The following NLGN1 variants were observed in gnomAD, a reference collection of about 807,000 sequenced individuals.
NLGN1 encodes the protein neuroligin-1.
In NLGN1, 12 loss-of-function variants were observed where a neutral mutation model predicts 65.5. The observed-to-expected ratio is 0.18, with a 90% CI of 0.12 to 0.30. NLGN1 has a LOEUF of 0.30. Ranked by LOEUF, NLGN1 falls within the 10% of genes least tolerant of loss-of-function variation. NLGN1 has a pLI of 1.00. For synonymous variants in NLGN1, 350 were observed against 359.5 expected (o/e 0.97, Z 0.30); for missense variants, 750 against 1,007.1 (o/e 0.74, Z 3.46).
chr3:174,053,677 T>G (rs778441248), intron 4 of NLGN1, among the ~76,000 whole-genome samples: 2 of 152,014 alleles, frequency 1.3e-5, no homozygotes, highest in African/African-American at 4.8e-5. Flanking sequence ...TTCCCTGCTT[T>G]CTTTCTTACT....
At chr3:173,465,120 A>G (rs1041294768) in intron 2 of NLGN1, among the ~76,000 whole-genome samples, 2 of 152,192 alleles carry the variant, frequency 1.3e-5, no homozygotes, top group South Asian at 2.1e-4. Context: ...AAGATTTTCA[A>G]AGTTATCAGT....
rs920746002 is a variant in NLGN1 at position 173,823,436 on chromosome 3, G to C, written c.646+15604G>C. On this transcript the variant is annotated intron_variant, in intron 4 of 6. Transcript: ENST00000457714. ...GAAGTCAACATAAATTTATTACCAG[G>C]GTACTCTGAATTTTTTATTCTTTGA... Among the ~76,000 whole-genome samples the C allele has an allele frequency of 3.2e-4, 49 of 151,520 alleles. 3 individuals carry two copies.
chr3:173,547,990 C>T (rs1364017022), intron 2 of NLGN1, among the ~76,000 whole-genome samples: 5 of 151,846 alleles, frequency 3.3e-5, no homozygotes, highest in East Asian at 1.9e-4. Context: ...TAAGGTATTT[C>T]ATTCCCTCCC....
At chr3:173,777,667 A>G (rs1360137013) in intron 3 of NLGN1, among the ~76,000 whole-genome samples, 2 of 150,248 alleles carry the variant, frequency 1.3e-5, no homozygotes, top group East Asian at 1.9e-4. Context: ...CTATCTATCT[A>G]TCTATCTATC....
intron 2 of NLGN1, among the ~76,000 whole-genome samples, chr3:173,519,399 A>G (rs1415801627): frequency 1.3e-5 from 2 of 152,188 alleles, no homozygotes; most frequent in Non-Finnish European, 2.9e-5. Context: ...AGCTTGCACC[A>G]TGAACCTAGA....
intron 3 of NLGN1, 131 bp downstream of exon 3, chr3:173,605,724 T>C (rs528442201): frequency 1.7e-5 from 7 of 419,306 alleles, no homozygotes; most frequent in African/African-American, 8.3e-5. Flanking sequence ...TGATGAAGGC[T>C]GTCAAGGAAT....
intron 4 of NLGN1, among the ~76,000 whole-genome samples, chr3:174,131,864 T>C (rs1319706596): frequency 6.6e-6 from 1 of 152,208 alleles, no homozygotes; most frequent in Non-Finnish European, 1.5e-5. Context: ...TGCTCTTTCT[T>C]AAATGAGGCA....
intron 4 of NLGN1, among the ~76,000 whole-genome samples, chr3:173,897,762 C>T (rs780643306): frequency 3.9e-5 from 6 of 152,076 alleles, no homozygotes; most frequent in Non-Finnish European, 8.8e-5. Flanking sequence ...ACCAGATAAG[C>T]TTTAGGGACT....
intron 4 of NLGN1, among the ~76,000 whole-genome samples, chr3:174,116,336 T>TC (rs1194188711): frequency 7.4e-6 from 1 of 134,810 alleles, no homozygotes; most frequent in Non-Finnish European, 1.6e-5. Flanking sequence ...TTTTCTTTTT[T>TC]TTTTTTTTTT....
chr3:173,843,789 A>G (rs983248263), intron 4 of NLGN1, among the ~76,000 whole-genome samples: 1 of 152,114 alleles, frequency 6.6e-6, no homozygotes, highest in African/African-American at 2.4e-5. Context: ...TCTTCTTCTG[A>G]GCTCTCCAAA....
At chr3:174,051,238 G>C (rs962553738) in intron 4 of NLGN1, among the ~76,000 whole-genome samples, 2 of 151,918 alleles carry the variant, frequency 1.3e-5, no homozygotes, top group African/African-American at 4.8e-5. Flanking sequence ...CAATTCCAGG[G>C]TGCCACCCAC....
intron 4 of NLGN1, among the ~76,000 whole-genome samples, chr3:174,032,058 C>T (rs547004425): frequency 8.6e-5 from 13 of 152,044 alleles, no homozygotes; most frequent in African/African-American, 3.1e-4. Flanking sequence ...CCAAAGAAGA[C>T]TCCTATAACC....
chr3:173,716,986 G>A (rs1051359050), intron 3 of NLGN1, among the ~76,000 whole-genome samples: 6 of 152,126 alleles, frequency 3.9e-5, no homozygotes, highest in African/African-American at 1.4e-4. Flanking sequence ...TTCATTTCTA[G>A]CATTTGATTT....
rs79369480 is a variant in NLGN1, at chr3:174,074,708, A to C, written c.647-200607A>C. Among the ~76,000 whole-genome samples the C allele has an allele frequency of 3.5e-3, 529 of 152,332 alleles. 2 individuals are homozygous for C. The highest frequency in any genetic ancestry group is 0.011 in the African/African-American group (465 of 41,580). Reference sequence around the variant, plus strand: ...ATTGATATAAGTTTCTGAGCTTCCCAGTGCCAACTCACTAGTGGAAACGTA... The same window carrying C: ...ATTGATATAAGTTTCTGAGCTTCCCCGTGCCAACTCACTAGTGGAAACGTA... On this transcript the variant is annotated intron_variant, in intron 4 of 6. Transcript: ENST00000457714.
chr3:173,618,204 C>CT (rs112170598), intron 3 of NLGN1, among the ~76,000 whole-genome samples: 19,988 of 150,096 alleles, frequency 0.13, 1,416 homozygotes, highest in South Asian at 0.22. Flanking sequence ...TTCTTTTCTT[C>CT]TTTTTTTTAG....
chr3:173,887,201 A>AT (rs1415251513), intron 4 of NLGN1, among the ~76,000 whole-genome samples: 1 of 152,018 alleles, frequency 6.6e-6, no homozygotes, highest in African/African-American at 2.4e-5. Context: ...GAGTGAAAAT[A>AT]TCTACCTTTC....
intron 4 of NLGN1, among the ~76,000 whole-genome samples, chr3:174,190,588 A>G (rs1732205158): frequency 6.6e-6 from 1 of 152,076 alleles, no homozygotes; most frequent in African/African-American, 2.4e-5. Flanking sequence ...ATATTAAAAT[A>G]TTAGACTTAT....
intron 4 of NLGN1, among the ~76,000 whole-genome samples, chr3:173,923,176 A>G (rs1390893237): frequency 6.6e-6 from 1 of 152,092 alleles, no homozygotes; most frequent in Admixed American, 6.6e-5. Context: ...AAGAGGAAAT[A>G]GGAAGCTAAG....
chr3:174,153,293 A>G (rs1208693008), intron 4 of NLGN1, among the ~76,000 whole-genome samples: 1 of 152,166 alleles, frequency 6.6e-6, no homozygotes, highest in Non-Finnish European at 1.5e-5. Context: ...TGATGATTAT[A>G]CTAATGTAAG....
Sources: gnomAD v4.1 joint callset for allele counts (sites outside exome capture counted in the v4.1 genomes callset) on GRCh38, gnomAD v4.1.1 for gene constraint, MANE v1.5 for transcripts, NCBI Gene and HGNC (gene_info 2026-07-23, HGNC 2026-07-21) for gene names.